The following MARCHF11 variants were observed in gnomAD, a reference collection of about 807,000 sequenced individuals.
MARCHF11 encodes E3 ubiquitin-protein ligase MARCHF11.
Under a neutral mutation model 37.3 loss-of-function variants are expected in MARCHF11, and 29 were observed. That is an observed-to-expected ratio of 0.78 (90% CI 0.58 to 1.06). The LOEUF (loss-of-function observed/expected upper bound fraction) is 1.06, where lower values mean the gene tolerates loss of function less well. Among genes scored for constraint, MARCHF11 ranks in the 50% least tolerant of loss-of-function variants. The pLI is 0.00. For missense variants in MARCHF11, 482 were observed against 533.4 expected (o/e 0.90, Z 0.95); for synonymous variants, 233 against 228.0 (o/e 1.02, Z -0.20).
chr5:16,142,020 A>G (rs1188727759), intron 2 of MARCHF11, among the ~76,000 whole-genome samples: 3 of 152,320 alleles, frequency 2.0e-5, no homozygotes, highest in South Asian at 2.1e-4. Context: ...TGGTTTCCAC[A>G]TAAGTCACTG....
chr5:16,147,318 T>A (rs572155001), intron 2 of MARCHF11, among the ~76,000 whole-genome samples: 5 of 152,192 alleles, frequency 3.3e-5, no homozygotes, highest in African/African-American at 1.2e-4. Flanking sequence ...AAATGCATTA[T>A]GGGCTTCATT....
At chr5:16,127,559 C>G (rs1008246674) in intron 2 of MARCHF11, among the ~76,000 whole-genome samples, 6 of 152,176 alleles carry the variant, frequency 3.9e-5, no homozygotes, top group African/African-American at 1.4e-4. Flanking sequence ...CCTGGGTCAA[C>G]ACAGTAGAAG....
chr5:16,077,308 A>G (rs1736537703), intron 3 of MARCHF11, among the ~76,000 whole-genome samples: 1 of 152,154 alleles, frequency 6.6e-6, no homozygotes, highest in African/African-American at 2.4e-5. Context: ...AATAAATACA[A>G]CTAATTTTCT....
intron 3 of MARCHF11, among the ~76,000 whole-genome samples, chr5:16,088,205 G>A (rs935118235): frequency 5.3e-5 from 8 of 152,108 alleles, no homozygotes; most frequent in East Asian, 3.9e-4. Flanking sequence ...ACACAGCACC[G>A]CAGAGTTCAT....
At chr5:16,108,475 G>A (rs563256636) in intron 2 of MARCHF11, among the ~76,000 whole-genome samples, 15 of 152,326 alleles carry the variant, frequency 9.8e-5, no homozygotes, top group African/African-American at 3.6e-4. Context: ...GCGAGGGCAG[G>A]TATGGGTTGC....
chr5:16,108,993 C>T (rs76916250), intron 2 of MARCHF11, among the ~76,000 whole-genome samples: 4,329 of 152,076 alleles, frequency 0.028, 144 homozygotes, highest in African/African-American at 0.078. Flanking sequence ...TCCTATATAA[C>T]CTTGGAAATT....
intron 2 of MARCHF11, among the ~76,000 whole-genome samples, chr5:16,173,159 C>T (rs2126611135): frequency 6.6e-6 from 1 of 152,316 alleles, no homozygotes; most frequent in South Asian, 2.1e-4. Context: ...TAACCCTTCC[C>T]AAGTAGGCAA....
At chr5:16,109,998 T>A (rs938017332) in intron 2 of MARCHF11, among the ~76,000 whole-genome samples, 3 of 152,136 alleles carry the variant, frequency 2.0e-5, no homozygotes, top group African/African-American at 7.2e-5. Flanking sequence ...AAGAATGGCT[T>A]CTAGTTATTA....
intron 2 of MARCHF11, among the ~76,000 whole-genome samples, chr5:16,138,795 T>G (rs2126589959): frequency 6.6e-6 from 1 of 152,348 alleles, no homozygotes; most frequent in Non-Finnish European, 1.5e-5. Flanking sequence ...GAGATCATTT[T>G]GGAGTTTTAA....
chr5:16,085,526 G>T (rs1235344528), intron 3 of MARCHF11, among the ~76,000 whole-genome samples: 2 of 138,980 alleles, frequency 1.4e-5, no homozygotes, highest in Non-Finnish European at 3.1e-5. Context: ...TGTCAAACAA[G>T]TGATGATATC....
intron 2 of MARCHF11, among the ~76,000 whole-genome samples, chr5:16,147,926 A>G (rs1219749441): frequency 6.6e-6 from 1 of 152,106 alleles, no homozygotes; most frequent in African/African-American, 2.4e-5. Flanking sequence ...GTACACTTCC[A>G]ATGAGATGAA....
chr5:16,108,404 G>C (rs1385718931), intron 2 of MARCHF11, among the ~76,000 whole-genome samples: 2 of 152,234 alleles, frequency 1.3e-5, no homozygotes, highest in African/African-American at 4.8e-5. Flanking sequence ...CGTTTCAAAG[G>C]TGCCCTTTAT....
chr5:16,067,346 T>C lies in MARCHF11; in HGVS notation c.*125A>G, dbSNP rs1334766934. 4.7e-6 allele frequency: 4 copies of C among 846,624 alleles called. No homozygotes were observed. The highest frequency in any genetic ancestry group is 5.5e-6 in the Non-Finnish European group (3 of 548,264). 52.4% of individuals were successfully genotyped at this position (846,624 alleles called of 1,614,324 possible). A position where few individuals can be genotyped will look rare whatever the true frequency, so the allele number is the denominator to read the frequency against. On this transcript the variant is annotated 3_prime_UTR_variant, in exon 4 of 4. Coordinates refer to ENST00000332432, the MANE Select transcript of MARCHF11 (RefSeq NM_001102562.3). The stretch of plus-strand genomic sequence containing the variant: ...AATGTATTTGCAATTCAAATGTTCA[T>C]ATAAAAAGCATAAATTTTAAAAAGT...
chr5:16,068,261 A>T (rs1025644225), intron 3 of MARCHF11, among the ~76,000 whole-genome samples: 10 of 152,354 alleles, frequency 6.6e-5, no homozygotes, highest in African/African-American at 2.4e-4. Flanking sequence ...TCCTAAAACA[A>T]TGCCTGACGC....
In MARCHF11 at chr5:16,076,925, A is replaced by C. The variant is rs1264546111; in HGVS notation, c.887-9132T>G. Among the ~76,000 whole-genome samples the C allele has an allele frequency of 5.2e-5, 8 of 152,384 alleles. No homozygotes were observed. The East Asian group carries it at 1.5e-3, about 29-fold the overall frequency. ...AGGGATATTACACTGACTATGAAGG[A>C]GATGACAGAATTAAATTAAAATCTC... On this transcript the variant is annotated intron_variant, in intron 3 of 3. Coordinates refer to ENST00000332432, the MANE Select transcript of MARCHF11 (RefSeq NM_001102562.3).
chr5:16,158,774 C>G (rs1211194557), intron 2 of MARCHF11, among the ~76,000 whole-genome samples: 1 of 151,758 alleles, frequency 6.6e-6, no homozygotes, highest in Non-Finnish European at 1.5e-5. Flanking sequence ...TAAAAGTGTG[C>G]CATGGTGGTT....
Position 16,171,000 on chromosome 5 carries a change from C to A in MARCHF11, c.693+6726G>T, listed in dbSNP as rs185610566. ...CACTCCTGACTTAACCAAAGCGACT[C>A]CTCAGAATTAAGGATTTGAATCTGA... On this transcript the variant is annotated intron_variant, in intron 2 of 3. Coordinates refer to ENST00000332432, the MANE Select transcript of MARCHF11 (RefSeq NM_001102562.3). 6.9e-3 allele frequency among the ~76,000 whole-genome samples: 1,052 copies of A among 152,184 alleles called. 6 individuals are homozygous for A. Among genetic ancestry groups the A allele is most frequent in the Non-Finnish European group, 0.011 (734 of 67,974 alleles).
At chr5:16,119,418 G>C (rs573656694) in intron 2 of MARCHF11, among the ~76,000 whole-genome samples, 1 of 151,624 alleles carries the variant, frequency 6.6e-6, no homozygotes, top group East Asian at 1.9e-4. Flanking sequence ...CAAAAGCTCT[G>C]AGCTTCCAAC....
chr5:16,074,406 A>T (rs1471312908), intron 3 of MARCHF11, among the ~76,000 whole-genome samples: 1 of 152,222 alleles, frequency 6.6e-6, no homozygotes, highest in Non-Finnish European at 1.5e-5. Context: ...CCAAGATCAG[A>T]GCAGAACTAA....
Sources: allele counts gnomAD v4.1 joint callset (sites outside exome capture counted in the v4.1 genomes callset), GRCh38; gene constraint gnomAD v4.1.1; transcripts MANE v1.5; gene names NCBI Gene and HGNC (gene_info 2026-07-23, HGNC 2026-07-21).